Variants in MRPL50 observed in about 807,000 individuals in gnomAD.
MRPL50 encodes mitochondrial ribosomal protein L50, also known as large ribosomal subunit protein mL50.
In MRPL50, 10 loss-of-function variants were observed where a neutral mutation model predicts 16.2. The ratio of observed to expected loss-of-function variants is 0.62; its 90% CI spans 0.38 to 1.05. The LOEUF is 1.05. MRPL50 is among the 50% of genes least tolerant of loss of function. The pLI, the probability that MRPL50 is intolerant of heterozygous loss-of-function variation, is 0.01. For synonymous variants in MRPL50, 68 were observed against 66.8 expected (o/e 1.02, Z -0.09); for missense variants, 213 against 187.1 (o/e 1.14, Z -0.81).
intron 1 of MRPL50, among the ~76,000 whole-genome samples, chr9:101,393,990 CAAAAAAAAAA>C (rs76598460): frequency 1.5e-5 from 1 of 66,470 alleles, no homozygotes. Flanking sequence ...TAATGCTAAG[CAAAAAAAAAA>C]AAAAAAAAAA....
chr9:101,395,527 T>C (rs577780155), intron 1 of MRPL50, among the ~76,000 whole-genome samples: 1 of 152,204 alleles, frequency 6.6e-6, no homozygotes, highest in East Asian at 1.9e-4. Context: ...TTTCTACCAA[T>C]GGATGAATGG....
chr9:101,395,988 C>T lies in MRPL50; in HGVS notation c.92+2513G>A, dbSNP rs146544454. 1.4e-4 allele frequency among the ~76,000 whole-genome samples: 21 copies of T among 152,186 alleles called. No individual in the cohort carries two copies. The East Asian group carries it at 3.1e-3, about 22-fold the overall frequency. ...AAAGAGATAAATAACGTGATGGATA[C>T]GTCAACTATTCAGATTTGGCTATTA... is the stretch of plus-strand genomic sequence containing the variant. On this transcript the variant is annotated intron_variant, in intron 1 of 1. Transcript: ENST00000374865.
rs1830220961 is a variant in MRPL50, at chr9:101,387,799, A to G, written c.*2667T>C. ...AAATTAGTTAACTGATACCCTTTTT[A>G]TGTAGCAATCATTAAATTTTTAAAA... On this transcript the variant is annotated 3_prime_UTR_variant, in exon 2 of 2. Transcript: ENST00000374865. 1 of 79,080 alleles carries G rather than the reference A, an allele frequency of 1.3e-5. No individual in the cohort carries two copies. The highest frequency in any genetic ancestry group is 2.4e-5 in the Non-Finnish European group (1 of 42,182). The allele number at this position is 79,080 out of a possible 1,614,324, so 4.9% of individuals were successfully genotyped here.
chr9:101,396,975 A>G (rs576353836), intron 1 of MRPL50, among the ~76,000 whole-genome samples: 2 of 152,226 alleles, frequency 1.3e-5, no homozygotes, highest in East Asian at 3.9e-4. Flanking sequence ...ATTCATAGAA[A>G]CAGAGAGTAG....
chr9:101,397,539 T>C (rs1379594270), intron 1 of MRPL50, among the ~76,000 whole-genome samples: 1 of 152,164 alleles, frequency 6.6e-6, no homozygotes, highest in Non-Finnish European at 1.5e-5. Context: ...AGAACAAAAA[T>C]TTGGTCTGTT....
At chr9:101,394,759 C>T (rs1483762595) in intron 1 of MRPL50, among the ~76,000 whole-genome samples, 2 of 152,066 alleles carry the variant, frequency 1.3e-5, no homozygotes, top group Admixed American at 6.5e-5. Flanking sequence ...TTGAGTAAGA[C>T]CTCAAAAGCA....
chr9:101,398,428 T>C (rs1830398727), intron 1 of MRPL50, 73 bp downstream of exon 1: 1 of 1,408,112 alleles, frequency 7.1e-7, no homozygotes, highest in Non-Finnish European at 1.0e-6. Flanking sequence ...GGCGTAACAC[T>C]CTATTTTGAA....
chr9:101,393,009 G>GATCA, intron 1 of MRPL50, among the ~76,000 whole-genome samples: 1 of 152,254 alleles, frequency 6.6e-6, no homozygotes, highest in Non-Finnish European at 1.5e-5. Context: ...CATTCACCAT[G>GATCA]ATCAAGTGGG....
intron 1 of MRPL50, among the ~76,000 whole-genome samples, chr9:101,393,780 AATTG>A (rs1250416880): frequency 6.6e-6 from 1 of 152,072 alleles, no homozygotes. Flanking sequence ...TGATGAAAAA[AATTG>A]AAGGGGACAC....
chr9:101,390,664 A>G lies in MRPL50; in HGVS notation c.279T>C (p.Asp93=), dbSNP rs758956088. The part of the protein sequence containing the change: ...PSNWQDISLE[D]SRLKFNLLAH... ...CCAGAAGATTGAACTTTAGACGACT[A>G]TCTTCCAGGGAGATGTCTTGCCAAT... Residue 93 remains aspartate, a synonymous_variant, in exon 2 of 2, where the codon GAT becomes GAC. Transcript: ENST00000374865. 3 of 1,613,226 alleles carry G rather than the reference A, an allele frequency of 1.9e-6. No individual in the cohort carries two copies. The highest frequency in any genetic ancestry group is 4.5e-5 in the East Asian group (2 of 44,842).
chr9:101,391,259 T>C (rs1252829669), intron 1 of MRPL50, among the ~76,000 whole-genome samples: 1 of 152,090 alleles, frequency 6.6e-6, no homozygotes, highest in Non-Finnish European at 1.5e-5. Context: ...TTGGCTCAAG[T>C]CATATCTTAA....
chr9:101,391,919 T>G (rs1483321744), intron 1 of MRPL50, among the ~76,000 whole-genome samples: 1 of 152,078 alleles, frequency 6.6e-6, no homozygotes, highest in Admixed American at 6.6e-5. Flanking sequence ...GACTGTATCA[T>G]AGAACACAAA....
chr9:101,396,811 G>A (rs1393179847), intron 1 of MRPL50, among the ~76,000 whole-genome samples: 4 of 152,052 alleles, frequency 2.6e-5, no homozygotes, highest in African/African-American at 4.8e-5. Context: ...GCGTGGTGGC[G>A]GGCACCTGTA....
At position 101,389,997 on chromosome 9, in the gene MRPL50, G is replaced by T; in HGVS notation, c.*469C>A. ...TAACAAATCTACTTTAATTCTAAAA[G>T]AAATTAATCTAGAACTGTCAGTAAT... is the stretch of plus-strand genomic sequence containing the variant. On this transcript the variant is annotated 3_prime_UTR_variant, in exon 2 of 2. Transcript: ENST00000374865. 2 of 920,416 alleles carry T rather than the reference G, an allele frequency of 2.2e-6. No homozygotes were observed. Among genetic ancestry groups the T allele is most frequent in the African/African-American group, 1.8e-5 (1 of 55,828 alleles). 57.0% of individuals were successfully genotyped at this position (920,416 alleles called of 1,614,324 possible).
In MRPL50 at chr9:101,389,741, A is replaced by G; in HGVS notation, c.*725T>C. On this transcript the variant is annotated 3_prime_UTR_variant, in exon 2 of 2. Transcript: ENST00000374865. ...AGACTTGCCACTCTAGTGAATACTC[A>G]GCACCACTTTTTAAAAGTTATAGAG... The G allele has an allele frequency of 8.9e-6, 2 of 225,058 alleles. No individual in the cohort carries two copies. Among genetic ancestry groups the G allele is most frequent in the South Asian group, 1.2e-4 (2 of 16,720 alleles). 13.9% of individuals were successfully genotyped at this position (225,058 alleles called of 1,614,324 possible).
chr9:101,391,672 C>T (rs1193162239), intron 1 of MRPL50, among the ~76,000 whole-genome samples: 1 of 151,890 alleles, frequency 6.6e-6, no homozygotes, highest in South Asian at 2.1e-4. Flanking sequence ...TATTGGAGAA[C>T]CTAAACACAT....
At chr9:101,393,750 CAATAA>C (rs1002625057) in intron 1 of MRPL50, among the ~76,000 whole-genome samples, 2 of 151,494 alleles carry the variant, frequency 1.3e-5, no homozygotes, top group African/African-American at 4.8e-5. Context: ...AAGGTCTCTA[CAATAA>C]AAACTATAAA....
chr9:101,393,207 A>T (rs1830295296), intron 1 of MRPL50, among the ~76,000 whole-genome samples: 1 of 152,094 alleles, frequency 6.6e-6, no homozygotes, highest in Non-Finnish European at 1.5e-5. Context: ...ACATACCTCA[A>T]CATAATAAAG....
rs1253879349 is a variant in MRPL50 at position 101,398,579 on chromosome 9, G to T, written c.14C>A (p.Ser5Tyr). Residue 5 changes from serine (S) to tyrosine (Y), a missense_variant, in exon 1 of 2, where the codon TCT (serine) becomes TAT (tyrosine). By Grantham distance (144) the Ser-to-Tyr change is moderately radical. Transcript: ENST00000374865. The stretch of plus-strand genomic sequence containing the variant: ...GACTCTTCTGGTAATGCCCGACACA[G>T]ATCGCGCCGCCATCTTCGATGAGAT... MAAR[S>Y]VSGITRRVFM... The T allele has an allele frequency of 6.2e-7, 1 of 1,613,790 alleles. No homozygotes were observed. The highest frequency in any genetic ancestry group is 1.3e-5 in the African/African-American group (1 of 75,044).
Sources: gnomAD v4.1 joint callset for allele counts (sites outside exome capture counted in the v4.1 genomes callset) on GRCh38, gnomAD v4.1.1 for gene constraint, MANE v1.5 for transcripts, NCBI Gene and HGNC (gene_info 2026-07-23, HGNC 2026-07-21) for gene names.